EIF2AK4: variants seen among roughly 807,000 people sequenced by gnomAD.
EIF2AK4 encodes the protein eukaryotic translation initiation factor 2 alpha kinase 4.
In EIF2AK4, 139 loss-of-function variants were observed where a neutral mutation model predicts 211.1. The ratio of observed to expected loss-of-function variants is 0.66; its 90% CI spans 0.57 to 0.76. The LOEUF (loss-of-function observed/expected upper bound fraction) is 0.76, where lower values mean the gene tolerates loss of function less well. EIF2AK4 is among the 30% of genes least tolerant of loss of function. EIF2AK4 has a pLI of 0.00. For synonymous variants in EIF2AK4, 710 were observed against 751.3 expected (o/e 0.94, Z 0.90); for missense variants, 1,664 against 2,043.8 (o/e 0.81, Z 3.58).
chr15:39,998,833 T>C (rs1178047745), intron 20 of EIF2AK4, 49 bp downstream of exon 20: 26 of 1,463,298 alleles, frequency 1.8e-5, no homozygotes, highest in Non-Finnish European at 2.4e-5. Flanking sequence ...TGCATTTTAA[T>C]TATTATTTTT....
intron 1 of EIF2AK4, 119 bp downstream of exon 1, chr15:39,934,458 C>T: frequency 7.3e-7 from 1 of 1,365,536 alleles, no homozygotes; most frequent in Non-Finnish European, 9.7e-7. Context: ...CTTTTCATCC[C>T]TTAGGTTCCA....
chr15:39,934,361 C>G, intron 1 of EIF2AK4, 22 bp downstream of exon 1: 1 of 1,591,230 alleles, frequency 6.3e-7, no homozygotes, highest in Non-Finnish European at 8.5e-7. Context: ...GCTTGTCAGG[C>G]CCGGGCTGGC....
rs769907623 is a variant in EIF2AK4 at position 40,025,959 on chromosome 15, C to T, written c.4390-18C>T. On this transcript the variant is annotated intron_variant, in intron 32 of 38. Coordinates refer to ENST00000263791, the MANE Select transcript of EIF2AK4 (RefSeq NM_001013703.4). ...TTCAGAAACCTCCAAATGATAGATC[C>T]GTTTCATTCTTTTTAAGGTTAAGTC... 23 of 1,608,196 alleles carry T rather than the reference C, an allele frequency of 1.4e-5. No homozygotes were observed. The highest frequency in any genetic ancestry group is 6.7e-5 in the East Asian group (3 of 44,846).
At chr15:40,010,466 G>T (rs187563504) in intron 26 of EIF2AK4, among the ~76,000 whole-genome samples, 1 of 152,116 alleles carries the variant, frequency 6.6e-6, no homozygotes, top group East Asian at 1.9e-4. Context: ...GTATATGTGC[G>T]GGTACAGAGA....
At chr15:39,970,089 G>A (rs560487607) in intron 9 of EIF2AK4, among the ~76,000 whole-genome samples, 10 of 152,330 alleles carry the variant, frequency 6.6e-5, no homozygotes, top group Non-Finnish European at 1.5e-4. Flanking sequence ...AAAGTGCCTG[G>A]CACTTGGCCC....
rs587777104 is a variant in EIF2AK4 at position 39,953,956 on chromosome 15, A to AG, written c.567dup (p.Lys190GlufsTer8). On this transcript the variant is annotated frameshift_variant, in exon 5 of 39. Transcript: ENST00000263791. LOFTEE classifies it high-confidence loss of function. ...AGAAGGAAAGAAGAGATAAAAGAAG[A>AG]GAAAAAAAGGAAAGAAATGGCTAAG... 3 of 1,606,672 alleles carry AG rather than the reference A, an allele frequency of 1.9e-6. No individual in the cohort carries two copies. Among genetic ancestry groups the AG allele is most frequent in the Non-Finnish European group, 2.5e-6 (3 of 1,177,916 alleles).
Position 39,965,826 on chromosome 15 carries a change from GA to G in EIF2AK4, c.1001del (p.Asp334ValfsTer18). 1 of 1,613,962 alleles carries G rather than the reference GA, an allele frequency of 6.2e-7. No individual in the cohort carries two copies. Among genetic ancestry groups the G allele is most frequent in the Non-Finnish European group, 8.5e-7 (1 of 1,179,910 alleles). ...FLTSQEKEKI[D>X]KCKKQIQGTE... ...TACCAGTCAAGAAAAAGAGAAGATT[GA>G]TAAGTGCAAAAAGCAGGTAAGCATC... On this transcript the variant is annotated frameshift_variant, in exon 8 of 39. Coordinates refer to ENST00000263791, the MANE Select transcript of EIF2AK4 (RefSeq NM_001013703.4). LOFTEE classifies it high-confidence loss of function.
At chr15:39,974,274 T>C (rs1342873822) in intron 11 of EIF2AK4, 2 of 152,270 alleles carry the variant, frequency 1.3e-5, no homozygotes, top group African/African-American at 4.8e-5. Context: ...CTAGTCTATT[T>C]GGGTGACTTT....
At chr15:39,998,628 A>T in intron 19 of EIF2AK4, 103 bp from the exon 20 acceptor site, 2 of 870,260 alleles carry the variant, frequency 2.3e-6, no homozygotes, top group Non-Finnish European at 3.7e-6. Context: ...TTTTCTTGCT[A>T]GCAAATTTTT....
chr15:40,003,119 T>G, intron 22 of EIF2AK4, 74 bp from the exon 23 acceptor site: 2 of 1,574,808 alleles, frequency 1.3e-6, no homozygotes, highest in Admixed American at 1.8e-5. Context: ...ACTGTCAGGT[T>G]TGTGTTAATT....
At chr15:40,034,914 T>G (rs2035594393) in intron 38 of EIF2AK4, 113 bp from the exon 39 acceptor site, 4 of 737,296 alleles carry the variant, frequency 5.4e-6, no homozygotes, top group Non-Finnish European at 6.5e-6. Context: ...TGACTAGCCT[T>G]CCATCTTGTT....
intron 5 of EIF2AK4, 43 bp from the exon 6 acceptor site, chr15:39,955,577 G>C: frequency 6.4e-7 from 1 of 1,573,176 alleles, no homozygotes; most frequent in East Asian, 2.3e-5. Context: ...TTTCTTCCAT[G>C]TATGACTTAC....
In EIF2AK4 at chr15:39,990,418, C is replaced by T. The variant is rs548787595; in HGVS notation, c.2631+41C>T. Reference sequence around the variant, plus strand: ...ATTAGACTGTACCTAAAAACAGACTCAGATGTCTTGATAATCCTGGAAGTG... The same window carrying T: ...ATTAGACTGTACCTAAAAACAGACTTAGATGTCTTGATAATCCTGGAAGTG... On this transcript the variant is annotated intron_variant, in intron 16 of 38. Transcript: ENST00000263791. The T allele has an allele frequency of 7.3e-5, 110 of 1,515,480 alleles. No individual in the cohort carries two copies. In the South Asian group the frequency reaches 1.2e-3, roughly 16 times the overall value. 93.9% of individuals were successfully genotyped at this position (1,515,480 alleles called of 1,614,324 possible). A position where few individuals can be genotyped will look rare whatever the true frequency, so the allele number is the denominator to read the frequency against.
At chr15:40,001,375 G>A (rs1165897062) in intron 21 of EIF2AK4, 151 bp downstream of exon 21, 2 of 758,424 alleles carry the variant, frequency 2.6e-6, no homozygotes, top group Non-Finnish European at 4.3e-6. Context: ...GTGTGTATAT[G>A]CATTCAGGGA....
chr15:40,021,373 C>T (rs1302328873), intron 31 of EIF2AK4, among the ~76,000 whole-genome samples: 1 of 152,196 alleles, frequency 6.6e-6, no homozygotes, highest in Non-Finnish European at 1.5e-5. Context: ...CTTCCTCCAT[C>T]ATCACACTCA....
chr15:39,996,095 G>A (rs966034110), intron 18 of EIF2AK4, among the ~76,000 whole-genome samples: 1 of 152,154 alleles, frequency 6.6e-6, no homozygotes, highest in South Asian at 2.1e-4. Context: ...CTACATACCA[G>A]TGAGATCATG....
chr15:40,023,689 A>T (rs2035424755), intron 32 of EIF2AK4, among the ~76,000 whole-genome samples: 1 of 152,058 alleles, frequency 6.6e-6, no homozygotes, highest in Admixed American at 6.6e-5. Context: ...CTGGCTAGAG[A>T]TTGATCAGTT....
At position 39,977,151 on chromosome 15, in the gene EIF2AK4, A is replaced by AAAAACG. The variant is rs543656895; in HGVS notation, c.2249+310_2249+311insACGAAA. ...CATGTTTAAAAACAAAAACAAAAAC[A>AAAAACG]AAACAAAACCACCACTTTTAGAGAG... On this transcript the variant is annotated intron_variant, in intron 12 of 38. Transcript: ENST00000263791. The AAAAACG allele has an allele frequency of 2.0e-3, 592 of 297,844 alleles. 5 individuals carry two copies. Among genetic ancestry groups the AAAAACG allele is most frequent in the African/African-American group, 0.01 (462 of 44,516 alleles). The allele number at this position is 297,844 out of a possible 1,614,324, so 18.5% of individuals were successfully genotyped here. A position where few individuals can be genotyped will look rare whatever the true frequency, so the allele number is the denominator to read the frequency against.
chr15:39,946,644 A>T (rs1485982104), intron 3 of EIF2AK4: 2 of 700,594 alleles, frequency 2.9e-6, no homozygotes, highest in Admixed American at 2.0e-5. Context: ...GTGTGACTCA[A>T]AGGCTATCAA....
Sources: gnomAD v4.1 joint callset for allele counts (sites outside exome capture counted in the v4.1 genomes callset) on GRCh38, gnomAD v4.1.1 for gene constraint, MANE v1.5 for transcripts, NCBI Gene and HGNC (gene_info 2026-07-23, HGNC 2026-07-21) for gene names.